R3HDM2: variants seen among roughly 807,000 people sequenced by gnomAD.
R3HDM2 encodes the protein R3H domain containing 2.
A neutral mutation model predicts 124.5 loss-of-function variants in R3HDM2; 38 were observed. The observed-to-expected ratio is 0.31, with a 90% CI of 0.24 to 0.40. The LOEUF is 0.40. Among genes scored for constraint, R3HDM2 ranks in the 10% least tolerant of loss-of-function variants. The pLI, the probability that R3HDM2 is intolerant of heterozygous loss-of-function variation, is 1.00. For missense variants in R3HDM2, 869 were observed against 1,236.9 expected (o/e 0.70, Z 4.46); for synonymous variants, 391 against 448.0 (o/e 0.87, Z 1.61).
intron 12 of R3HDM2, 147 bp downstream of exon 12, chr12:57,288,862 A>G: frequency 6.5e-7 from 1 of 1,550,210 alleles, no homozygotes; most frequent in East Asian, 2.4e-5. Flanking sequence ...GGTACCTAAA[A>G]ATCTGCCTTC....
At chr12:57,324,118 T>A (rs1207628047) in intron 2 of R3HDM2, among the ~76,000 whole-genome samples, 1 of 152,192 alleles carries the variant, frequency 6.6e-6, no homozygotes, top group Non-Finnish European at 1.5e-5. Flanking sequence ...GCCAGGCAAC[T>A]ACATCTATCC....
At chr12:57,363,652 A>G (rs932114948) in intron 2 of R3HDM2, among the ~76,000 whole-genome samples, 14 of 152,356 alleles carry the variant, frequency 9.2e-5, no homozygotes, top group Admixed American at 9.2e-4. Flanking sequence ...ATTACACATT[A>G]GAGTATCAAA....
At chr12:57,337,404 G>A (rs1042240538) in intron 2 of R3HDM2, among the ~76,000 whole-genome samples, 1 of 151,982 alleles carries the variant, frequency 6.6e-6, no homozygotes, top group East Asian at 1.9e-4. Flanking sequence ...GCCTATCTTG[G>A]CCTCCCAAAG....
At chr12:57,331,787 G>A (rs894006009) in intron 2 of R3HDM2, among the ~76,000 whole-genome samples, 6 of 151,890 alleles carry the variant, frequency 4.0e-5, no homozygotes, top group African/African-American at 9.7e-5. Flanking sequence ...GGTGGCAGGC[G>A]CCTGTAGTAC....
chr12:57,376,069 G>A (rs554024576), intron 2 of R3HDM2, among the ~76,000 whole-genome samples: 1 of 152,176 alleles, frequency 6.6e-6, no homozygotes, highest in African/African-American at 2.4e-5. Flanking sequence ...AGACAGCATG[G>A]TCAAAGGGGC....
chr12:57,408,234 T>C (rs938613052), intron 1 of R3HDM2, among the ~76,000 whole-genome samples: 1 of 152,176 alleles, frequency 6.6e-6, no homozygotes, highest in African/African-American at 2.4e-5. Flanking sequence ...CCTGGCCTAA[T>C]TTTTAAAGTC....
At chr12:57,329,745 C>CA (rs200666443) in intron 2 of R3HDM2, among the ~76,000 whole-genome samples, 15 of 95,940 alleles carry the variant, frequency 1.6e-4, no homozygotes, top group Non-Finnish European at 2.4e-4. Context: ...GACTCCGTCT[C>CA]AAAAAAAAAG....
intron 14 of R3HDM2, among the ~76,000 whole-genome samples, chr12:57,271,188 C>T (rs2043514358): frequency 6.6e-6 from 1 of 152,156 alleles, no homozygotes; most frequent in African/African-American, 2.4e-5. Flanking sequence ...AGGTCATTTC[C>T]ACCTTTGTTC....
intron 2 of R3HDM2, among the ~76,000 whole-genome samples, chr12:57,378,182 C>T (rs1025409584): frequency 6.6e-6 from 1 of 152,088 alleles, no homozygotes; most frequent in Non-Finnish European, 1.5e-5. Context: ...GGGTGTCTGG[C>T]CCACAGCAAA....
intron 2 of R3HDM2, among the ~76,000 whole-genome samples, chr12:57,348,096 G>T (rs768835423): frequency 6.6e-6 from 1 of 152,092 alleles, no homozygotes. Flanking sequence ...AGGTCAAAAG[G>T]TATCAAAATA....
chr12:57,426,764 A>G (rs910770939), intron 1 of R3HDM2, among the ~76,000 whole-genome samples: 2 of 152,216 alleles, frequency 1.3e-5, no homozygotes, highest in Non-Finnish European at 2.9e-5. Context: ...ATGTTTGTCC[A>G]AAGAGAAACA....
chr12:57,332,291 T>G (rs1216402602), intron 2 of R3HDM2, among the ~76,000 whole-genome samples: 3 of 151,164 alleles, frequency 2.0e-5, no homozygotes, highest in African/African-American at 7.3e-5. Context: ...GACACACACC[T>G]GTAGTCCCAG....
chr12:57,424,092 C>A (rs567263584), intron 1 of R3HDM2, among the ~76,000 whole-genome samples: 3 of 75,400 alleles, frequency 4.0e-5, no homozygotes, highest in Non-Finnish European at 7.1e-5. Flanking sequence ...CCAGCCTGGG[C>A]AACAAGAGCA....
chr12:57,393,480 T>C (rs2067040124), intron 2 of R3HDM2, among the ~76,000 whole-genome samples: 1 of 151,890 alleles, frequency 6.6e-6, no homozygotes, highest in African/African-American at 2.4e-5. Flanking sequence ...ACCTCATCTC[T>C]AACAAAATAA....
chr12:57,356,843 G>C (rs1427611888), intron 2 of R3HDM2, among the ~76,000 whole-genome samples: 1 of 152,238 alleles, frequency 6.6e-6, no homozygotes, highest in South Asian at 2.1e-4. Flanking sequence ...GGGCGTGGTA[G>C]CTCACGCCTG....
intron 11 of R3HDM2, among the ~76,000 whole-genome samples, chr12:57,289,312 G>A (rs1173668428): frequency 9.2e-5 from 14 of 152,210 alleles, no homozygotes; most frequent in Non-Finnish European, 2.9e-5. Context: ...AAAGGAGGAA[G>A]AGGAAAGTAT....
At chr12:57,291,088 C>G (rs2048473715) in intron 11 of R3HDM2, among the ~76,000 whole-genome samples, 1 of 152,180 alleles carries the variant, frequency 6.6e-6, no homozygotes, top group South Asian at 2.1e-4. Flanking sequence ...ACTTTTCTGA[C>G]TCAGAATGGA....
At chr12:57,384,353 C>CA (rs55693368) in intron 2 of R3HDM2, among the ~76,000 whole-genome samples, 34,093 of 117,432 alleles carry the variant, frequency 0.29, 4,135 homozygotes, top group South Asian at 0.47. Context: ...GACTCTGTCT[C>CA]AAAAAAAAAA....
intron 2 of R3HDM2, among the ~76,000 whole-genome samples, chr12:57,388,110 G>A (rs2122982): frequency 0.19 from 28,308 of 151,926 alleles, 3,106 homozygotes; most frequent in Admixed American, 0.28. Context: ...GATTACAGGC[G>A]CCTGCCACCA....
Sources: gnomAD v4.1 joint callset for allele counts (sites outside exome capture counted in the v4.1 genomes callset) on GRCh38, gnomAD v4.1.1 for gene constraint, MANE v1.5 for transcripts, NCBI Gene and HGNC (gene_info 2026-07-23, HGNC 2026-07-21) for gene names.